FGF13: variants seen among roughly 807,000 people sequenced by gnomAD.
FGF13 encodes fibroblast growth factor homologous factor 2.
A neutral mutation model predicts 19.5 loss-of-function variants in FGF13; 2 were observed. That is an observed-to-expected ratio of 0.10 (90% confidence interval 0.04 to 0.32). The LOEUF (loss-of-function observed/expected upper bound fraction) is 0.32. FGF13 is among the 10% of genes least tolerant of loss of function. The pLI is 1.00. For synonymous variants in FGF13, 72 were observed against 76.9 expected (o/e 0.94, Z 0.33); for missense variants, 113 against 192.7 (o/e 0.59, Z 2.45).
At chrX:138,909,933 G>C (rs1305752992) in intron 1 of FGF13, among the ~76,000 whole-genome samples, 2 of 110,322 alleles carry the variant, frequency 1.8e-5, no homozygotes, top group Non-Finnish European at 3.8e-5. Flanking sequence ...AAACACAGGA[G>C]CAAAAAAAAA....
chrX:139,197,993 CAAAA>C (rs57335781), intron 1 of FGF13, among the ~76,000 whole-genome samples: 4 of 23,294 alleles, frequency 1.7e-4, no homozygotes, highest in Non-Finnish European at 2.4e-4. Context: ...GACCCTACCT[CAAAA>C]AAAAAAAAAA....
At chrX:138,941,782 G>GA (rs1011564876) in intron 1 of FGF13, among the ~76,000 whole-genome samples, 4 of 111,288 alleles carry the variant, frequency 3.6e-5, no homozygotes, top group Admixed American at 9.5e-5. Context: ...TCATTCCTCT[G>GA]AAAAAAAAGT....
chrX:139,185,708 T>C (rs1048563561), intron 1 of FGF13, among the ~76,000 whole-genome samples: 1 of 111,689 alleles, frequency 9.0e-6, no homozygotes, highest in African/African-American at 3.3e-5. Context: ...CATCAGGAAG[T>C]TCTTAGAGGA....
intron 1 of FGF13, among the ~76,000 whole-genome samples, chrX:139,032,611 G>C (rs1282429320): frequency 9.0e-6 from 1 of 110,806 alleles, no homozygotes; most frequent in Non-Finnish European, 1.9e-5. Flanking sequence ...CATAAACAAA[G>C]GGCAACTTTG....
intron 1 of FGF13, among the ~76,000 whole-genome samples, chrX:139,074,155 G>A (rs1326193848): frequency 8.9e-6 from 1 of 111,850 alleles, no homozygotes; most frequent in Non-Finnish European, 1.9e-5. Flanking sequence ...ATGTGTGGTG[G>A]CATGTCAGTG....
At chrX:139,152,776 TTCTC>T (rs1209269583) in intron 1 of FGF13, among the ~76,000 whole-genome samples, 1 of 110,535 alleles carries the variant, frequency 9.0e-6, no homozygotes, top group Non-Finnish European at 1.9e-5. Flanking sequence ...CACCATGTGT[TTCTC>T]TCTCTCTCAC....
intron 1 of FGF13, among the ~76,000 whole-genome samples, chrX:138,967,331 T>C (rs1253172945): frequency 3.6e-5 from 4 of 111,554 alleles, no homozygotes; most frequent in African/African-American, 1.3e-4. Flanking sequence ...TCCCTTACCC[T>C]TTGCGGTTCT....
intron 1 of FGF13, among the ~76,000 whole-genome samples, chrX:138,959,669 A>G (rs1023427091): frequency 9.0e-6 from 1 of 111,298 alleles, no homozygotes; most frequent in Non-Finnish European, 1.9e-5. Context: ...TCTCTTTGTA[A>G]GTCTCTAAGG....
chrX:139,112,948 G>C (rs1364354187), intron 1 of FGF13, among the ~76,000 whole-genome samples: 2 of 106,080 alleles, frequency 1.9e-5, no homozygotes, highest in African/African-American at 7.0e-5. Context: ...TATTTATTTA[G>C]TGAATTAATT....
upstream of FGF13, among the ~76,000 whole-genome samples, chrX:138,740,316 C>A (rs190812877): frequency 9.0e-6 from 1 of 111,594 alleles, no homozygotes; most frequent in Non-Finnish European, 1.9e-5. Context: ...CCAACACCCA[C>A]GAGGAGCTAT....
At position 138,684,425 on chromosome X, in the gene FGF13, C is replaced by T. The variant is rs1031351409; in HGVS notation, c.402+18559G>A. The stretch of plus-strand genomic sequence containing the variant: ...TATTATGTGAAAGAGAAAAATCACT[C>T]ATTTTTTTTCTGTCTTTGGCTTCGT... On this transcript the variant is annotated intron_variant, in intron 3 of 4. Transcript: ENST00000315930. 2.7e-5 allele frequency among the ~76,000 whole-genome samples: 3 copies of T among 111,327 alleles called. No homozygotes were observed. In the Admixed American group the frequency reaches 2.9e-4, roughly 11 times the overall value.
chrX:138,804,824 C>T (rs1443516532), intron 3 of FGF13, among the ~76,000 whole-genome samples: 1 of 112,147 alleles, frequency 8.9e-6, no homozygotes, highest in African/African-American at 3.2e-5. Context: ...ATTTTTCAGA[C>T]TGTCTTTTCC....
chrX:138,736,733 T>C (rs1482355439), intron 1 of FGF13, among the ~76,000 whole-genome samples: 2 of 110,753 alleles, frequency 1.8e-5, no homozygotes, highest in South Asian at 3.8e-4. Context: ...AATATATATA[T>C]GTAAATATAT....
intron 1 of FGF13, among the ~76,000 whole-genome samples, chrX:138,902,968 A>G (rs1291920162): frequency 9.0e-6 from 1 of 111,557 alleles, no homozygotes; most frequent in African/African-American, 3.3e-5. Flanking sequence ...AAGGAGAAAA[A>G]AAGATCTAAA....
intron 1 of FGF13, among the ~76,000 whole-genome samples, chrX:138,933,942 G>A (rs965813109): frequency 2.7e-5 from 3 of 111,977 alleles, no homozygotes; most frequent in Non-Finnish European, 5.6e-5. Context: ...ATTAAGTTAT[G>A]AACCCAGTAT....
At chrX:138,720,316 T>C (rs1361855054) in intron 1 of FGF13, among the ~76,000 whole-genome samples, 1 of 112,360 alleles carries the variant, frequency 8.9e-6, no homozygotes, top group Non-Finnish European at 1.9e-5. Flanking sequence ...TTATGACATT[T>C]AAGCGAGGAC....
rs1408265498 is a variant in FGF13, at chrX:138,660,216, TG to T, written c.403-24562del. Among the ~76,000 whole-genome samples, 18 of 111,878 alleles carry T rather than the reference TG, an allele frequency of 1.6e-4. 1 individual carries two copies. The highest frequency in any genetic ancestry group is 5.8e-4 in the African/African-American group (18 of 30,833). ...ACATAGGTTATTAATTCAACATTGG[TG>T]AGATGAAATAAAATGTAACTGTATT... On this transcript the variant is annotated intron_variant, in intron 3 of 4. Transcript: ENST00000315930.
chrX:138,648,059 T>C (rs1366673720), intron 3 of FGF13, among the ~76,000 whole-genome samples: 3 of 112,155 alleles, frequency 2.7e-5, no homozygotes, highest in African/African-American at 9.7e-5. Context: ...CTTGATCATT[T>C]AAAAATCCCT....
intron 3 of FGF13, among the ~76,000 whole-genome samples, chrX:138,639,898 C>A (rs979580646): frequency 7.3e-5 from 8 of 110,093 alleles, no homozygotes; most frequent in Non-Finnish European, 1.5e-4. Context: ...GAGGCTGAGG[C>A]AGGAGAATCA....
Sources: allele counts gnomAD v4.1 joint callset (sites outside exome capture counted in the v4.1 genomes callset), GRCh38; gene constraint gnomAD v4.1.1; transcripts MANE v1.5; gene names NCBI Gene and HGNC (gene_info 2026-07-23, HGNC 2026-07-21).